The following JAKMIP1 variants were observed in gnomAD, a reference collection of about 807,000 sequenced individuals.
JAKMIP1 encodes janus kinase and microtubule-interacting protein 1.
In JAKMIP1, 33 loss-of-function variants were observed where a neutral mutation model predicts 113.0. The ratio of observed to expected loss-of-function variants is 0.29; its 90% CI spans 0.22 to 0.39. JAKMIP1 has a LOEUF of 0.39. Ranked by LOEUF, JAKMIP1 falls within the 10% of genes least tolerant of loss-of-function variation. The pLI is 1.00. For missense variants in JAKMIP1, 813 were observed against 1,080.5 expected, an observed-to-expected ratio of 0.75 and a Z score of 3.47; for synonymous variants, 480 against 459.9, an observed-to-expected ratio of 1.04 and a Z score of -0.56.
chr4:6,050,531 C>A lies in JAKMIP1; in HGVS notation c.1908+47G>T. 1 of 1,358,700 alleles carries A rather than the reference C, an allele frequency of 7.4e-7. No homozygotes were observed. Among genetic ancestry groups the A allele is most frequent in the Non-Finnish European group, 1.0e-6 (1 of 973,342 alleles). The allele number at this position is 1,358,700 out of a possible 1,614,324, so 84.2% of individuals were successfully genotyped here. ...CTTTGCAGCTGAGCCGGGCACTGAGCGAGCCCTTGGCTGGCATTCAGCAGA... is the reference window on the plus strand; with the variant it reads ...CTTTGCAGCTGAGCCGGGCACTGAGAGAGCCCTTGGCTGGCATTCAGCAGA... On this transcript the variant is annotated intron_variant, in intron 14 of 20. Transcript: ENST00000409021. The surrounding 1 kb of genome is among the most constrained non-coding windows in gnomAD (Gnocchi z 7.4).
chr4:6,085,454 C>G lies in JAKMIP1; in HGVS notation c.800G>C (p.Gly267Ala). 1.9e-6 allele frequency: 3 copies of G among 1,613,964 alleles called. No individual in the cohort carries two copies. The highest frequency in any genetic ancestry group is 2.5e-6 in the Non-Finnish European group (3 of 1,180,020). Reference protein sequence around the residue: ...HSSPKRELPPGIGDMVELMGV... With the variant: ...HSSPKRELPPAIGDMVELMGV... ...CATGAGCTCCACCATGTCCCCGATC[C>G]CGGGCGGGAGCTCTCTCTTTGGACT... The change falls in exon 4 of 21, where the codon GGG (glycine) becomes GCG (alanine). Residue 267 changes from glycine to alanine, a missense_variant. Gly to Ala is a moderately conservative substitution (Grantham distance 60). Around this residue, in one of 2 missense-constraint regions of JAKMIP1, gnomAD observed 540 missense variants for 653.9 expected, o/e 0.83. Transcript: ENST00000409021.
intron 16 of JAKMIP1, among the ~76,000 whole-genome samples, chr4:6,045,865 G>C (rs922528176): frequency 6.6e-6 from 1 of 151,744 alleles, no homozygotes; most frequent in African/African-American, 2.4e-5. Flanking sequence ...GTGAGACTCT[G>C]TCTCAAAAAA....
At position 6,044,316 on chromosome 4, in the gene JAKMIP1, G is replaced by C. The variant is rs549889580; in HGVS notation, c.2029-2089C>G. On this transcript the variant is annotated intron_variant, in intron 16 of 20. Transcript: ENST00000409021. This position sits in a 1 kb window ranked among gnomAD's most constrained non-coding sequence, Gnocchi z 4.4. ...AGCAGGTGCCTAATAAACTTCTGTC[G>C]AATGAAGGAGAATCAAGGCTGTGCA... 6.6e-5 allele frequency among the ~76,000 whole-genome samples: 10 copies of C among 152,118 alleles called. No individual in the cohort carries two copies. The highest frequency in any genetic ancestry group is 2.4e-4 in the African/African-American group (10 of 41,428).
At chr4:6,115,821 C>A (rs1355130131) in intron 1 of JAKMIP1, among the ~76,000 whole-genome samples, 1 of 152,180 alleles carries the variant, frequency 6.6e-6, no homozygotes, top group African/African-American at 2.4e-5. Flanking sequence ...AGCAGCCCAC[C>A]GGCCTCGCAG....
Position 6,080,934 on chromosome 4 carries a change from A to G in JAKMIP1, c.1102-622T>C, listed in dbSNP as rs1312736030. Among the ~76,000 whole-genome samples the G allele has an allele frequency of 6.7e-6, 1 of 150,122 alleles. No homozygotes were observed. Among genetic ancestry groups the G allele is most frequent in the African/African-American group, 2.5e-5 (1 of 40,370 alleles). On this transcript the variant is annotated intron_variant, in intron 6 of 20. Transcript: ENST00000409021. The surrounding 1 kb of genome is among the most constrained non-coding windows in gnomAD (Gnocchi z 6.0). ...AGACGACATTTGAAATGAGCCTAGA[A>G]ACCTGGGAGGGGAAGGCAGGGGAAG... is the stretch of plus-strand genomic sequence containing the variant.
Position 6,062,431 on chromosome 4 carries a change from G to T in JAKMIP1, c.1441C>A (p.Arg481=). ...CAGAAGCGCAGGTCAGCCTCCTCTCGGGCTGTGGCCTTCACATAATGGAGA... is the reference window on the plus strand; with the variant it reads ...CAGAAGCGCAGGTCAGCCTCCTCTCTGGCTGTGGCCTTCACATAATGGAGA... ...PEEDLDDATA[R]EEADLRFCQL... is the part of the protein sequence containing the mutation. Residue 481 remains arginine, a synonymous_variant, in exon 10 of 21, where the codon CGA becomes AGA. Transcript: ENST00000409021. The T allele has an allele frequency of 6.2e-7, 1 of 1,613,196 alleles. No individual in the cohort carries two copies. Among genetic ancestry groups the T allele is most frequent in the Non-Finnish European group, 8.5e-7 (1 of 1,179,412 alleles).
At chr4:6,147,163 TG>T (rs1266140503) in intron 1 of JAKMIP1, among the ~76,000 whole-genome samples, 2 of 152,284 alleles carry the variant, frequency 1.3e-5, no homozygotes, top group African/African-American at 2.4e-5. Flanking sequence ...GGTTTCACCA[TG>T]TTGGCCAGGC....
rs151114843 is a variant in JAKMIP1, at chr4:6,167,762, C to T, written c.-148+32491G>A. Among the ~76,000 whole-genome samples, 137 of 152,350 alleles carry T rather than the reference C, an allele frequency of 9.0e-4. No individual in the cohort carries two copies. The highest frequency in any genetic ancestry group is 3.1e-3 in the African/African-American group (130 of 41,586). On this transcript the variant is annotated intron_variant, in intron 1 of 20. Coordinates refer to ENST00000409021, the MANE Select transcript of JAKMIP1 (RefSeq NM_001099433.2). The surrounding 1 kb of genome is among the most constrained non-coding windows in gnomAD (Gnocchi z 5.3). ...ATGTGAACTGCCCAAGGGCACGCGGCTTTTCCACGGCTCTATGGCTGTCTT... is the reference window on the plus strand; with the variant it reads ...ATGTGAACTGCCCAAGGGCACGCGGTTTTTCCACGGCTCTATGGCTGTCTT...
At chr4:6,090,767 G>T (rs931939735) in intron 3 of JAKMIP1, among the ~76,000 whole-genome samples, 3 of 151,680 alleles carry the variant, frequency 2.0e-5, no homozygotes, top group African/African-American at 7.3e-5. Context: ...GCTGCCCCAG[G>T]TTGACCATAA....
At position 6,076,304 on chromosome 4, in the gene JAKMIP1, C is replaced by T. The variant is rs947542723; in HGVS notation, c.1302+2635G>A. ...AATGTGCAGAAATTTGCCCCGTGTT[C>T]GACTTGGCTTGGTGGGAAAAGCTTG... On this transcript the variant is annotated intron_variant, in intron 8 of 20. Coordinates refer to ENST00000409021, the MANE Select transcript of JAKMIP1 (RefSeq NM_001099433.2). The surrounding 1 kb of genome is among the most constrained non-coding windows in gnomAD (Gnocchi z 4.8). Among the ~76,000 whole-genome samples, 4 of 152,134 alleles carry T rather than the reference C, an allele frequency of 2.6e-5. No individual in the cohort carries two copies. The highest frequency in any genetic ancestry group is 1.9e-4 in the East Asian group (1 of 5,200).
intron 1 of JAKMIP1, among the ~76,000 whole-genome samples, chr4:6,146,245 G>A (rs1720834208): frequency 7.6e-6 from 1 of 132,406 alleles, no homozygotes; most frequent in African/African-American, 2.6e-5. Context: ...GAGGTTGCGG[G>A]GGGATGAGGA....
chr4:6,119,271 C>T (rs1313495791), intron 1 of JAKMIP1, among the ~76,000 whole-genome samples: 6 of 150,984 alleles, frequency 4.0e-5, no homozygotes, highest in South Asian at 2.1e-4. Context: ...GGGCCGGGCG[C>T]GGTGGCTCAC....
intron 3 of JAKMIP1, among the ~76,000 whole-genome samples, chr4:6,087,282 A>G (rs1296320877): frequency 6.6e-6 from 1 of 151,232 alleles, no homozygotes; most frequent in Admixed American, 6.6e-5. Context: ...TGACCATATG[A>G]CCATGGGCAG....
At chr4:6,098,550 GAA>G (rs1712258892) in intron 3 of JAKMIP1, among the ~76,000 whole-genome samples, 1 of 8,658 alleles carries the variant, frequency 1.2e-4, no homozygotes. Flanking sequence ...GAAAGAAAAA[GAA>G]AGAAAGAAAG....
rs933426575 is a variant in JAKMIP1, at chr4:6,044,488, A to C, written c.2029-2261T>G. Among the ~76,000 whole-genome samples, 1 of 150,530 alleles carries C rather than the reference A, an allele frequency of 6.6e-6. No individual in the cohort carries two copies. Among genetic ancestry groups the C allele is most frequent in the Non-Finnish European group, 1.5e-5 (1 of 67,282 alleles). ...GTGGCAGCACCCAGCACCCTGTGCC[A>C]GCCGCGGTGGCCAGCACTTCCTCAA... On this transcript the variant is annotated intron_variant, in intron 16 of 20. Transcript: ENST00000409021. This position sits in a 1 kb window ranked among gnomAD's most constrained non-coding sequence, Gnocchi z 4.4.
At chr4:6,169,664 T>A (rs1724111961) in intron 1 of JAKMIP1, among the ~76,000 whole-genome samples, 1 of 150,184 alleles carries the variant, frequency 6.7e-6, no homozygotes, top group African/African-American at 2.4e-5. Context: ...ATGACGAAAC[T>A]GCTGATCTAA....
At chr4:6,090,281 G>A (rs906963673) in intron 3 of JAKMIP1, among the ~76,000 whole-genome samples, 1 of 151,960 alleles carries the variant, frequency 6.6e-6, no homozygotes, top group East Asian at 1.9e-4. Context: ...AGAAGGCCAC[G>A]TGCAGGCAGA....
Position 6,050,771 on chromosome 4 carries a change from C to T in JAKMIP1, c.1807-92G>A, listed in dbSNP as rs1715559636. ...GTTACTCAGCAAAAACCAAGGAATT[C>T]CAGTGGGCACAGACGTTACTAAAAA... On this transcript the variant is annotated intron_variant, in intron 13 of 20. Coordinates refer to ENST00000409021, the MANE Select transcript of JAKMIP1 (RefSeq NM_001099433.2). The surrounding 1 kb of genome is among the most constrained non-coding windows in gnomAD (Gnocchi z 7.4). 1 of 997,706 alleles carries T rather than the reference C, an allele frequency of 1.0e-6. No homozygotes were observed. The allele number at this position is 997,706 out of a possible 1,614,324, so 61.8% of individuals were successfully genotyped here. A position where few individuals can be genotyped will look rare whatever the true frequency, so the allele number is the denominator to read the frequency against.
chr4:6,115,886 G>C (rs1361160730), intron 1 of JAKMIP1, among the ~76,000 whole-genome samples: 1 of 152,162 alleles, frequency 6.6e-6, no homozygotes, highest in Non-Finnish European at 1.5e-5. Context: ...GTGGGGGAAA[G>C]GGCTGCCCTG....
Sources: gnomAD v4.1 joint callset for allele counts (sites outside exome capture counted in the v4.1 genomes callset) on GRCh38, gnomAD v4.1.1 for gene constraint, gnomAD v4.1.1 regional missense constraint, Gnocchi (gnomAD v3.1) non-coding constraint, MANE v1.5 for transcripts, NCBI Gene and HGNC (gene_info 2026-07-23, HGNC 2026-07-21) for gene names.